Variants in GARNL3 observed in about 807,000 individuals in gnomAD.
GARNL3 encodes GTPase activating Rap/RanGAP domain like 3.
GARNL3 carries 63 observed loss-of-function variants against 125.0 expected under a neutral mutation model. That is an observed-to-expected ratio of 0.50 (90% CI 0.41 to 0.62). The LOEUF is 0.62. GARNL3 is among the 20% of genes least tolerant of loss of function. GARNL3 has a pLI of 0.00. For missense variants in GARNL3, 994 were observed against 1,244.0 expected, an observed-to-expected ratio of 0.80 and a Z score of 3.02; for synonymous variants, 439 against 457.5, an observed-to-expected ratio of 0.96 and a Z score of 0.52.
intron 15 of GARNL3, 182 bp downstream of exon 15, chr9:127,344,521 G>T: frequency 1.7e-6 from 1 of 598,828 alleles, no homozygotes. Flanking sequence ...GTTCTCTGCA[G>T]GCATCACTGA....
At position 127,301,925 on chromosome 9, in the gene GARNL3, C is replaced by CTTTTTTTT. The variant is rs754780368; in HGVS notation, c.220-9685_220-9678dup. ...TCTATCTTCCTTAGCATTGGGAGGACTTTTTTTTTTTTTTTTTTTTTTTTT... is the reference window on the plus strand; with the variant it reads ...TCTATCTTCCTTAGCATTGGGAGGACTTTTTTTTTTTTTTTTTTTTTTTTTTTTTTTTT... On this transcript the variant is annotated intron_variant, in intron 2 of 27. Coordinates refer to ENST00000373387, the MANE Select transcript of GARNL3 (RefSeq NM_032293.5). Among the ~76,000 whole-genome samples the CTTTTTTTT allele has an allele frequency of 1.5e-4, 7 of 45,396 alleles. 2 individuals carry two copies. The highest frequency in any genetic ancestry group is 2.5e-4 in the Non-Finnish European group (7 of 28,238). 29.8% of individuals were successfully genotyped at this position (45,396 alleles called of 152,430 possible). A position where few individuals can be genotyped will look rare whatever the true frequency, so the allele number is the denominator to read the frequency against.
intron 6 of GARNL3, among the ~76,000 whole-genome samples, chr9:127,322,452 C>T (rs529085100): frequency 6.6e-6 from 1 of 152,140 alleles, no homozygotes; most frequent in South Asian, 2.1e-4. Context: ...TATATCACAA[C>T]TCTGTGCCTG....
At chr9:127,278,894 C>T (rs577427716) in intron 1 of GARNL3, among the ~76,000 whole-genome samples, 17 of 152,296 alleles carry the variant, frequency 1.1e-4, no homozygotes, top group African/African-American at 4.1e-4. Flanking sequence ...TATCACATCG[C>T]CTTCTCTCTG....
At chr9:127,391,745 G>T (rs1448742990) in intron 27 of GARNL3, among the ~76,000 whole-genome samples, 1 of 150,998 alleles carries the variant, frequency 6.6e-6, no homozygotes, top group Non-Finnish European at 1.5e-5. Flanking sequence ...AGGGAAACAG[G>T]TGCTCTCTAT....
At chr9:127,331,773 T>C (rs941049975) in intron 7 of GARNL3, among the ~76,000 whole-genome samples, 2 of 145,142 alleles carry the variant, frequency 1.4e-5, no homozygotes, top group Non-Finnish European at 3.0e-5. Flanking sequence ...TGAATATCTT[T>C]AGGAATTGGG....
At chr9:127,379,790 C>A (rs188808259) in intron 22 of GARNL3, among the ~76,000 whole-genome samples, 7 of 152,198 alleles carry the variant, frequency 4.6e-5, no homozygotes, top group African/African-American at 7.2e-5. Flanking sequence ...GTGAAGAAAG[C>A]AAATTATATG....
intron 16 of GARNL3, among the ~76,000 whole-genome samples, chr9:127,347,130 T>C (rs1463140742): frequency 3.3e-5 from 5 of 152,150 alleles, no homozygotes; most frequent in African/African-American, 1.2e-4. Flanking sequence ...ACCTGCCCAT[T>C]AAAATGGGGC....
At chr9:127,331,720 C>CTTTTTGTTTTTTTTTTTTTTT (rs1829256194) in intron 7 of GARNL3, among the ~76,000 whole-genome samples, 1 of 74,412 alleles carries the variant, frequency 1.3e-5, no homozygotes, top group Non-Finnish European at 2.5e-5. Flanking sequence ...CTTGGGCTTG[C>CTTTTTGTTTTTTTTTTTTTTT]TTTTTTTTTT....
intron 22 of GARNL3, among the ~76,000 whole-genome samples, chr9:127,375,741 T>C (rs1239789982): frequency 6.6e-6 from 1 of 152,204 alleles, no homozygotes; most frequent in Non-Finnish European, 1.5e-5. Flanking sequence ...ATGCAACTTC[T>C]AAGACTAGGT....
chr9:127,234,843 A>G (rs1035002857), intron 1 of GARNL3, among the ~76,000 whole-genome samples: 5 of 152,206 alleles, frequency 3.3e-5, no homozygotes, highest in African/African-American at 1.2e-4. Flanking sequence ...ACAGACACAA[A>G]AGGACATATT....
At chr9:127,238,479 A>G (rs1197499932) in intron 1 of GARNL3, among the ~76,000 whole-genome samples, 3 of 152,176 alleles carry the variant, frequency 2.0e-5, no homozygotes, top group Admixed American at 6.5e-5. Context: ...GAGTCACAAC[A>G]CAGGAGGGGA....
intron 1 of GARNL3, among the ~76,000 whole-genome samples, chr9:127,289,092 G>A (rs1448985659): frequency 6.6e-6 from 1 of 152,194 alleles, no homozygotes; most frequent in African/African-American, 2.4e-5. Flanking sequence ...ACAGTGAGTA[G>A]AAACCCACAA....
At position 127,386,223 on chromosome 9, in the gene GARNL3, G is replaced by C. The variant is rs972117255; in HGVS notation, c.2389-970G>C. Among the ~76,000 whole-genome samples, 6 of 152,218 alleles carry C rather than the reference G, an allele frequency of 3.9e-5. No homozygotes were observed. In the South Asian group the frequency reaches 6.2e-4, roughly 16 times the overall value. Reference sequence around the variant, plus strand: ...TGTATATTGTCATTTAATCTGATAGGTAATCTGCTATAAAACTATTTTTCA... The same window carrying C: ...TGTATATTGTCATTTAATCTGATAGCTAATCTGCTATAAAACTATTTTTCA... On this transcript the variant is annotated intron_variant, in intron 24 of 27. Transcript: ENST00000373387.
chr9:127,249,018 T>C (rs1260657380), intron 2 of GARNL3, among the ~76,000 whole-genome samples: 1 of 152,186 alleles, frequency 6.6e-6, no homozygotes, highest in Non-Finnish European at 1.5e-5. Context: ...CCAAAGACTA[T>C]GAGACAGGTG....
At chr9:127,339,355 C>T (rs1829737171) in intron 12 of GARNL3, among the ~76,000 whole-genome samples, 1 of 151,628 alleles carries the variant, frequency 6.6e-6, no homozygotes, top group Admixed American at 6.6e-5. Flanking sequence ...GGGGAGGCCT[C>T]AGAATTATGG....
At chr9:127,291,871 C>G (rs569742554) in intron 2 of GARNL3, among the ~76,000 whole-genome samples, 36 of 152,016 alleles carry the variant, frequency 2.4e-4, no homozygotes, top group African/African-American at 8.4e-4. Context: ...CTCTAGTTCC[C>G]TGACCCTGAC....
At chr9:127,252,284 T>A (rs2063418644) in intron 2 of GARNL3, among the ~76,000 whole-genome samples, 2 of 152,216 alleles carry the variant, frequency 1.3e-5, no homozygotes, top group Admixed American at 1.3e-4. Flanking sequence ...TCCCTCATGG[T>A]TATGTTCCTA....
At chr9:127,254,578 G>C (rs888368393) in intron 2 of GARNL3, among the ~76,000 whole-genome samples, 1 of 152,074 alleles carries the variant, frequency 6.6e-6, no homozygotes, top group Non-Finnish European at 1.5e-5. Flanking sequence ...AGACCAGCCT[G>C]GCCAACATGG....
intron 5 of GARNL3, among the ~76,000 whole-genome samples, chr9:127,319,903 C>T (rs761343554): frequency 6.6e-6 from 1 of 152,178 alleles, no homozygotes; most frequent in African/African-American, 2.4e-5. Flanking sequence ...GAGCAAGGTA[C>T]AGCAAGATTT....
Sources: gnomAD v4.1 joint callset for allele counts (sites outside exome capture counted in the v4.1 genomes callset) on GRCh38, gnomAD v4.1.1 for gene constraint, MANE v1.5 for transcripts, NCBI Gene and HGNC (gene_info 2026-07-23, HGNC 2026-07-21) for gene names.